Variants in AGBL1 observed in about 807,000 individuals in gnomAD.
The protein encoded by AGBL1 is cytosolic carboxypeptidase 4.
In AGBL1, 130 loss-of-function variants were observed where a neutral mutation model predicts 118.9. That is an observed-to-expected ratio of 1.09 (90% CI 0.95 to 1.26). The LOEUF (loss-of-function observed/expected upper bound fraction) is 1.26. Among genes scored for constraint, AGBL1 ranks in the 50% most tolerant of loss-of-function variants. The pLI, the probability that AGBL1 is intolerant of heterozygous loss-of-function variation, is 0.00. For synonymous variants in AGBL1, 555 were observed against 478.9 expected (o/e 1.16, Z -2.08); for missense variants, 1,584 against 1,298.1 (o/e 1.22, Z -3.38).
intron 22 of AGBL1, among the ~76,000 whole-genome samples, chr15:86,785,151 G>C (rs887965226): frequency 3.9e-5 from 6 of 152,028 alleles, no homozygotes; most frequent in African/African-American, 1.4e-4. Context: ...AGGAGGAATA[G>C]GAGAAAGGAG....
At chr15:86,441,620 C>T (rs1481599902) in intron 18 of AGBL1, among the ~76,000 whole-genome samples, 1 of 152,200 alleles carries the variant, frequency 6.6e-6, no homozygotes, top group Non-Finnish European at 1.5e-5. Context: ...GACTAAATGA[C>T]TAAATAACAG....
At chr15:86,271,580 C>A (rs767165766) in intron 14 of AGBL1, 39 bp from the exon 15 acceptor site, 1 of 1,521,946 alleles carries the variant, frequency 6.6e-7, no homozygotes, top group Non-Finnish European at 9.1e-7. Context: ...GAACAACTCT[C>A]TTTCCCTCAT....
At chr15:86,366,529 T>C (rs925866102) in intron 17 of AGBL1, among the ~76,000 whole-genome samples, 1 of 152,160 alleles carries the variant, frequency 6.6e-6, no homozygotes, top group Admixed American at 6.5e-5. Context: ...CCAGGATCAA[T>C]ACTCTTAATC....
At chr15:86,369,543 T>C (rs973417330) in intron 17 of AGBL1, among the ~76,000 whole-genome samples, 1 of 152,120 alleles carries the variant, frequency 6.6e-6, no homozygotes, top group Non-Finnish European at 1.5e-5. Context: ...ACAAAATCAG[T>C]TGGTTAAAAT....
intron 17 of AGBL1, among the ~76,000 whole-genome samples, chr15:86,377,475 A>C (rs1164507929): frequency 6.6e-6 from 1 of 152,196 alleles, no homozygotes; most frequent in East Asian, 1.9e-4. Flanking sequence ...CTCTAAAATA[A>C]CAGTATCAGA....
At chr15:86,824,872 A>C (rs1361498621) in intron 22 of AGBL1, among the ~76,000 whole-genome samples, 1 of 152,088 alleles carries the variant, frequency 6.6e-6, no homozygotes, top group Non-Finnish European at 1.5e-5. Context: ...AGCCTGGCCA[A>C]CATGGAAAAA....
chr15:86,397,470 G>C lies in AGBL1; in HGVS notation c.2479G>C (p.Val827Leu). Residue 827 changes from valine (V) to leucine (L), a missense_variant, in exon 18 of 23, where the codon GTG (valine) becomes CTG (leucine). By Grantham distance (32) the Val-to-Leu change is conservative (BLOSUM62 1). Transcript: ENST00000614907. ...TLEFLVSSDP[V>L]ARLLRENFIF... ...GGAGTTCCTGGTCAGCAGTGACCCT[G>C]TGGCTAGGCTCTTGAGGGAAAACTT... 1.2e-6 allele frequency: 2 copies of C among 1,613,214 alleles called. No homozygotes were observed. The highest frequency in any genetic ancestry group is 2.2e-5 in the East Asian group (1 of 44,842).
intron 21 of AGBL1, among the ~76,000 whole-genome samples, chr15:86,667,239 T>C (rs2085661964): frequency 6.6e-6 from 1 of 150,566 alleles, no homozygotes; most frequent in Admixed American, 6.6e-5. Context: ...TGTATGTATG[T>C]ATGTATGTAT....
intron 5 of AGBL1, among the ~76,000 whole-genome samples, chr15:86,159,259 C>A (rs369232868): frequency 6.6e-6 from 1 of 152,062 alleles, no homozygotes; most frequent in Non-Finnish European, 1.5e-5. Flanking sequence ...CTTTTTCAGA[C>A]GAGCAAGTTA....
At chr15:86,482,091 A>G (rs1263807034) in intron 18 of AGBL1, among the ~76,000 whole-genome samples, 1 of 152,170 alleles carries the variant, frequency 6.6e-6, no homozygotes, top group Non-Finnish European at 1.5e-5. Flanking sequence ...GACAGAAGCA[A>G]TGTGTTCCTG....
intron 22 of AGBL1, among the ~76,000 whole-genome samples, chr15:86,683,447 A>G (rs190525431): frequency 2.0e-4 from 30 of 152,294 alleles, no homozygotes; most frequent in Admixed American, 1.8e-3. Flanking sequence ...GCTGCTTCCA[A>G]AATGTTACCA....
intron 18 of AGBL1, among the ~76,000 whole-genome samples, chr15:86,468,616 A>G (rs1221677980): frequency 6.6e-6 from 1 of 151,940 alleles, no homozygotes; most frequent in East Asian, 1.9e-4. Flanking sequence ...TGGAGCTTCC[A>G]TTTTTTTCAG....
At chr15:86,108,080 AC>A (rs1236150713) in intron 1 of AGBL1, among the ~76,000 whole-genome samples, 3 of 152,234 alleles carry the variant, frequency 2.0e-5, no homozygotes, top group Non-Finnish European at 2.9e-5. Context: ...ACCCTATTTT[AC>A]ATACAATTAA....
intron 17 of AGBL1, among the ~76,000 whole-genome samples, chr15:86,385,054 C>G (rs985320288): frequency 6.6e-6 from 1 of 152,042 alleles, no homozygotes; most frequent in African/African-American, 2.4e-5. Context: ...AGCCACGAGC[C>G]TCCTGAGGCT....
intron 5 of AGBL1, among the ~76,000 whole-genome samples, chr15:86,162,547 C>A (rs2077281909): frequency 6.6e-6 from 1 of 152,202 alleles, no homozygotes; most frequent in South Asian, 2.1e-4. Context: ...CCAGGGCAGG[C>A]AGCTATTTCA....
At chr15:86,137,311 G>T (rs2076902091) in intron 1 of AGBL1, among the ~76,000 whole-genome samples, 3 of 152,188 alleles carry the variant, frequency 2.0e-5, no homozygotes, top group Admixed American at 2.0e-4. Context: ...CTGTGGGTGA[G>T]CTGGCTCTCT....
chr15:86,221,278 G>A (rs558989586), intron 5 of AGBL1, among the ~76,000 whole-genome samples: 4 of 152,278 alleles, frequency 2.6e-5, no homozygotes, highest in East Asian at 1.9e-4. Context: ...GGTGTCAGAT[G>A]TGCACATCCA....
At chr15:86,817,522 TACAC>T (rs145360496) in intron 22 of AGBL1, among the ~76,000 whole-genome samples, 309 of 93,800 alleles carry the variant, frequency 3.3e-3, no homozygotes, top group Middle Eastern at 0.02. Flanking sequence ...GAGACAGGCA[TACAC>T]ACACACACAC....
chr15:86,664,320 C>A (rs527715043), intron 21 of AGBL1, among the ~76,000 whole-genome samples: 1 of 152,296 alleles, frequency 6.6e-6, no homozygotes, highest in South Asian at 2.1e-4. Context: ...CCACAGAGCC[C>A]ATCCACCAGC....
Sources: gnomAD v4.1 joint callset for allele counts (sites outside exome capture counted in the v4.1 genomes callset) on GRCh38, gnomAD v4.1.1 for gene constraint, MANE v1.5 for transcripts, NCBI Gene and HGNC (gene_info 2026-07-23, HGNC 2026-07-21) for gene names.